CACNB2: variants seen among roughly 807,000 people sequenced by gnomAD.
CACNB2 encodes the protein voltage-dependent L-type calcium channel subunit beta-2.
CACNB2 carries 42 observed loss-of-function variants against 73.3 expected under a neutral mutation model. The ratio of observed to expected loss-of-function variants is 0.57; its 90% CI spans 0.45 to 0.74. CACNB2 has a LOEUF of 0.74. Among genes scored for constraint, CACNB2 ranks in the 30% least tolerant of loss-of-function variants. The pLI is 0.00. For synonymous variants in CACNB2, 348 were observed against 310.3 expected, an observed-to-expected ratio of 1.12 and a Z score of -1.28; for missense variants, 940 against 853.0, an observed-to-expected ratio of 1.10 and a Z score of -1.27.
chr10:18,223,917 A>G (rs946017684), intron 2 of CACNB2, among the ~76,000 whole-genome samples: 1 of 152,016 alleles, frequency 6.6e-6, no homozygotes, highest in African/African-American at 2.4e-5. Flanking sequence ...CTAGTGAAAT[A>G]TGTACAGAAA....
At chr10:18,225,731 C>T (rs1169579836) in intron 2 of CACNB2, among the ~76,000 whole-genome samples, 1 of 152,016 alleles carries the variant, frequency 6.6e-6, no homozygotes, top group Non-Finnish European at 1.5e-5. Flanking sequence ...CCTCCACCTC[C>T]CGGGCTCTAA....
intron 3 of CACNB2, among the ~76,000 whole-genome samples, chr10:18,480,725 G>T (rs1428190401): frequency 6.6e-6 from 1 of 152,140 alleles, no homozygotes; most frequent in East Asian, 1.9e-4. Flanking sequence ...AGGAACTATG[G>T]TTAGGGCTAA....
intron 2 of CACNB2, chr10:18,151,214 G>A: frequency 2.3e-6 from 1 of 433,890 alleles, no homozygotes. Context: ...TCATTACAGA[G>A]GATTTCTTTG....
chr10:18,450,400 T>C (rs2046958456), intron 3 of CACNB2, among the ~76,000 whole-genome samples: 1 of 152,014 alleles, frequency 6.6e-6, no homozygotes, highest in Non-Finnish European at 1.5e-5. Flanking sequence ...GTGCTTTTAG[T>C]AATTATTGAA....
intron 2 of CACNB2, among the ~76,000 whole-genome samples, chr10:18,286,145 A>G (rs924175080): frequency 2.0e-5 from 3 of 152,238 alleles, no homozygotes; most frequent in South Asian, 2.1e-4. Flanking sequence ...ACATTTTAGC[A>G]TGGACATTTT....
At chr10:18,347,494 A>T (rs74667294) in intron 2 of CACNB2, among the ~76,000 whole-genome samples, 13,569 of 151,580 alleles carry the variant, frequency 0.09, 734 homozygotes, top group Non-Finnish European at 0.12. Flanking sequence ...CCCAGCCAAG[A>T]TTTTATTCTT....
intron 3 of CACNB2, among the ~76,000 whole-genome samples, chr10:18,425,176 T>A (rs2045530848): frequency 6.6e-6 from 1 of 152,260 alleles, no homozygotes; most frequent in Non-Finnish European, 1.5e-5. Context: ...TTTTAATTAT[T>A]AAATTGTATT....
intron 2 of CACNB2, among the ~76,000 whole-genome samples, chr10:18,213,879 T>C (rs896326526): frequency 6.6e-6 from 1 of 152,236 alleles, no homozygotes; most frequent in African/African-American, 2.4e-5. Flanking sequence ...ATAATGCATG[T>C]AAACTACTAA....
In CACNB2 at chr10:18,519,038, G is replaced by T. The variant is rs376485613; in HGVS notation, c.944+70G>T. On this transcript the variant is annotated intron_variant, in intron 9 of 13. Transcript: ENST00000324631. ...ATGGCAAAACGCTGGTGGGACATGC[G>T]TGTGATTCCAAGAGAAAATGGCCCT... The T allele has an allele frequency of 3.0e-6, 4 of 1,341,108 alleles. No homozygotes were observed. In the South Asian group the frequency reaches 4.7e-5, roughly 16 times the overall value. The allele number at this position is 1,341,108 out of a possible 1,614,324, so 83.1% of individuals were successfully genotyped here.
At chr10:18,446,511 G>T (rs1467320394) in intron 3 of CACNB2, among the ~76,000 whole-genome samples, 1 of 152,118 alleles carries the variant, frequency 6.6e-6, no homozygotes, top group Non-Finnish European at 1.5e-5. Flanking sequence ...AATCAATGAG[G>T]CTGGACAAAT....
intron 3 of CACNB2, among the ~76,000 whole-genome samples, chr10:18,475,398 C>T (rs2048390367): frequency 6.6e-6 from 1 of 152,118 alleles, no homozygotes; most frequent in Admixed American, 6.6e-5. Context: ...CCAAGGCTCT[C>T]CAGGAGACCC....
intron 2 of CACNB2, among the ~76,000 whole-genome samples, chr10:18,166,672 A>G (rs1273069638): frequency 6.6e-6 from 1 of 152,180 alleles, no homozygotes; most frequent in African/African-American, 2.4e-5. Flanking sequence ...AGGAGAGTAA[A>G]AACCACTGAG....
chr10:18,469,631 G>A (rs896782415), intron 3 of CACNB2, among the ~76,000 whole-genome samples: 3 of 152,086 alleles, frequency 2.0e-5, no homozygotes, highest in Non-Finnish European at 2.9e-5. Context: ...CAAGTAGTTC[G>A]GTTCTAACCT....
At chr10:18,149,362 C>G (rs773971203) in intron 1 of CACNB2, among the ~76,000 whole-genome samples, 1 of 152,182 alleles carries the variant, frequency 6.6e-6, no homozygotes, top group Non-Finnish European at 1.5e-5. Context: ...AGCTGTTAAC[C>G]GAGGACAACC....
At chr10:18,213,957 C>T (rs535652799) in intron 2 of CACNB2, among the ~76,000 whole-genome samples, 3 of 152,194 alleles carry the variant, frequency 2.0e-5, no homozygotes, top group South Asian at 2.1e-4. Context: ...TTCTCTAATT[C>T]CTGATTGATT....
intron 2 of CACNB2, among the ~76,000 whole-genome samples, chr10:18,350,168 C>T (rs1404168950): frequency 6.6e-6 from 1 of 152,100 alleles, no homozygotes; most frequent in African/African-American, 2.4e-5. Context: ...TCGCTTGAAC[C>T]CAGGAGATGG....
At chr10:18,351,150 C>T (rs1589114155) in intron 2 of CACNB2, among the ~76,000 whole-genome samples, 3 of 142,434 alleles carry the variant, frequency 2.1e-5, no homozygotes, top group Non-Finnish European at 3.1e-5. Context: ...CCTTTCTTTT[C>T]TTTTTTTTTT....
chr10:18,515,233 G>A (rs1015050764), intron 7 of CACNB2, among the ~76,000 whole-genome samples: 5 of 152,156 alleles, frequency 3.3e-5, no homozygotes, highest in Non-Finnish European at 7.3e-5. Flanking sequence ...GTATTCCTGA[G>A]CTCTCCTTAC....
At chr10:18,316,517 G>A (rs1401155154) in intron 2 of CACNB2, among the ~76,000 whole-genome samples, 2 of 149,648 alleles carry the variant, frequency 1.3e-5, no homozygotes, top group Non-Finnish European at 3.0e-5. Context: ...AGGCTAGACT[G>A]CAGTGGTGTG....
Sources: allele counts gnomAD v4.1 joint callset (sites outside exome capture counted in the v4.1 genomes callset), GRCh38; gene constraint gnomAD v4.1.1; transcripts MANE v1.5; gene names NCBI Gene and HGNC (gene_info 2026-07-23, HGNC 2026-07-21).